Variants in RASGRP3 observed in about 807,000 individuals in gnomAD.
RASGRP3 encodes ras guanyl-releasing protein 3.
A neutral mutation model predicts 82.7 loss-of-function variants in RASGRP3; 54 were observed. That is an observed-to-expected ratio of 0.65 (90% CI 0.52 to 0.82). The LOEUF is 0.82. Among genes scored for constraint, RASGRP3 ranks in the 40% least tolerant of loss-of-function variants. The probability of loss-of-function intolerance (pLI) is 0.00; values close to 1 mark genes in which losing one functional copy is unlikely to be tolerated. For synonymous variants in RASGRP3, 309 were observed against 300.5 expected (o/e 1.03, Z -0.29); for missense variants, 861 against 828.9 (o/e 1.04, Z -0.48).
rs1251859266 is a variant in RASGRP3 at position 33,449,975 on chromosome 2, G to C, written c.-261+2032G>C. 2.0e-5 allele frequency among the ~76,000 whole-genome samples: 3 copies of C among 152,096 alleles called. No homozygotes were observed. In the East Asian group the frequency reaches 5.8e-4, roughly 29 times the overall value. The stretch of plus-strand genomic sequence containing the variant: ...ATGATTTCTTTGGGCCAGAAATTCA[G>C]GAGAAGGTCAGATTAAGGAGTTTCA... On this transcript the variant is annotated intron_variant, in intron 2 of 18. Transcript: ENST00000402538.
chr2:33,527,349 A>C lies in RASGRP3; in HGVS notation c.1020A>C (p.Leu340=), dbSNP rs745547689. ...AGCTCTCCGTTACCCTGAGTGAACT[A>C]GTCTCCCTGCAGAATGCCTCTCACC... ...MHQLSVTLSE[L]VSLQNASHHL... The change falls in exon 10 of 18, where the codon CTA becomes CTC. Residue 340 remains leucine (L), a synonymous_variant. Transcript: ENST00000403687. 6.2e-7 allele frequency: 1 copy of C among 1,613,882 alleles called. No individual in the cohort carries two copies. The highest frequency in any genetic ancestry group is 8.5e-7 in the Non-Finnish European group (1 of 1,179,766).
At chr2:33,440,019 G>C (rs1218909312) in intron 1 of RASGRP3, among the ~76,000 whole-genome samples, 2 of 152,206 alleles carry the variant, frequency 1.3e-5, no homozygotes, top group East Asian at 3.9e-4. Flanking sequence ...TAGGAGGAGA[G>C]AATGTGTTCA....
chr2:33,471,012 T>C (rs1217291423), intron 2 of RASGRP3, among the ~76,000 whole-genome samples: 5 of 152,202 alleles, frequency 3.3e-5, no homozygotes, highest in Admixed American at 6.5e-5. Context: ...AGCATGCTTT[T>C]CTTGTTTCTG....
intron 2 of RASGRP3, among the ~76,000 whole-genome samples, chr2:33,458,577 T>C (rs1666172293): frequency 6.6e-6 from 1 of 152,228 alleles, no homozygotes; most frequent in African/African-American, 2.4e-5. Context: ...AGTATAGCTG[T>C]AGACACTGGG....
intron 9 of RASGRP3, among the ~76,000 whole-genome samples, chr2:33,525,549 A>G (rs1180541368): frequency 1.3e-5 from 2 of 151,938 alleles, no homozygotes; most frequent in Non-Finnish European, 2.9e-5. Flanking sequence ...AAAAACTTCT[A>G]CAGCAATTAA....
chr2:33,462,582 T>C (rs1315239636), intron 2 of RASGRP3, among the ~76,000 whole-genome samples: 1 of 152,070 alleles, frequency 6.6e-6, no homozygotes, highest in Non-Finnish European at 1.5e-5. Context: ...TTCACCATAT[T>C]GGTCAGGCTG....
intron 2 of RASGRP3, among the ~76,000 whole-genome samples, chr2:33,455,094 A>T (rs552681699): frequency 6.6e-6 from 1 of 152,210 alleles, no homozygotes; most frequent in Non-Finnish European, 1.5e-5. Context: ...ATAGATGTCA[A>T]CTATAGCTTC....
rs1376697079 is a variant in RASGRP3, at chr2:33,516,643, A to G, written c.172A>G (p.Met58Val). ...TGAATTGGCAGAAAAACTTCTCTGC[A>G]TATATCTTTTCAACTACTGTGTAAT... The part of the protein sequence containing the change: ...STELAEKLLC[M>V]YRNATGESCN... The change falls in exon 4 of 18, where the codon ATG (methionine) becomes GTG (valine). Residue 58 changes from methionine to valine, a missense_variant and splice_region_variant. By Grantham distance (21) the Met-to-Val change is conservative. Transcript: ENST00000403687. 5.2e-6 allele frequency: 8 copies of G among 1,525,140 alleles called. No individual in the cohort carries two copies. The highest frequency in any genetic ancestry group is 2.3e-5 in the East Asian group (1 of 43,714). 94.5% of individuals were successfully genotyped at this position (1,525,140 alleles called of 1,614,324 possible). A position where few individuals can be genotyped will look rare whatever the true frequency, so the allele number is the denominator to read the frequency against.
chr2:33,558,756 C>T lies in RASGRP3; in HGVS notation c.1790C>T (p.Ser597Phe). ...DSRAITLVTG[S>F]SRKISVRLQR... ...AGAGCCATCACACTGGTTACAGGCT[C>T]TTCTCGCAAGATCTCTGTGAGGCTA... Residue 597 changes from serine (S) to phenylalanine (F), a missense_variant, in exon 17 of 18, where the codon TCT becomes TTT. Ser to Phe is a radical substitution (Grantham distance 155). Coordinates refer to ENST00000403687, the MANE Select transcript of RASGRP3 (RefSeq NM_001139488.2). The T allele has an allele frequency of 6.2e-7, 1 of 1,613,974 alleles. No homozygotes were observed. The highest frequency in any genetic ancestry group is 8.5e-7 in the Non-Finnish European group (1 of 1,179,900).
At chr2:33,478,021 G>GAACA (rs1474569347) in intron 1 of RASGRP3, among the ~76,000 whole-genome samples, 1 of 152,124 alleles carries the variant, frequency 6.6e-6, no homozygotes, top group Non-Finnish European at 1.5e-5. Context: ...TGCCATGAGG[G>GAACA]AACACTGTTC....
rs1551484 is a variant in RASGRP3 at position 33,448,870 on chromosome 2, G to A, written c.-261+927G>A. Among the ~76,000 whole-genome samples the A allele has an allele frequency of 3.7e-3, 568 of 152,038 alleles. 1 individual carries two copies. Among genetic ancestry groups the A allele is most frequent in the African/African-American group, 0.013 (540 of 41,448 alleles). On this transcript the variant is annotated intron_variant, in intron 2 of 18. Transcript: ENST00000402538. ...AATTAACTATATAATATAGCAAAACGCAGTGAATTGTATGGTATGTGAATT... is the reference window on the plus strand; with the variant it reads ...AATTAACTATATAATATAGCAAAACACAGTGAATTGTATGGTATGTGAATT...
intron 2 of RASGRP3, among the ~76,000 whole-genome samples, chr2:33,459,435 A>C (rs1213834722): frequency 1.3e-5 from 2 of 152,218 alleles, no homozygotes; most frequent in Non-Finnish European, 2.9e-5. Flanking sequence ...CACCCAGCCA[A>C]GACTTTTTAA....
At chr2:33,483,049 GA>G (rs774978761) in intron 1 of RASGRP3, 10 of 150,258 alleles carry the variant, frequency 6.7e-5, no homozygotes, top group Admixed American at 2.0e-4. Context: ...AAAAAAAAAA[GA>G]ATATGAAATA....
chr2:33,487,559 G>A (rs547169830), intron 1 of RASGRP3, among the ~76,000 whole-genome samples: 18 of 152,280 alleles, frequency 1.2e-4, no homozygotes, highest in Non-Finnish European at 1.9e-4. Context: ...TTGAAAAGCA[G>A]TTAGCCTGGT....
At chr2:33,558,412 T>C in intron 16 of RASGRP3, 76 bp downstream of exon 16, 2 of 1,604,982 alleles carry the variant, frequency 1.2e-6, no homozygotes, top group African/African-American at 1.3e-5. Context: ...ATTTAGGTTC[T>C]GGGTCTAAAC....
At chr2:33,456,782 C>G (rs1264567653) in intron 2 of RASGRP3, among the ~76,000 whole-genome samples, 1 of 152,092 alleles carries the variant, frequency 6.6e-6, no homozygotes, top group Non-Finnish European at 1.5e-5. Context: ...TTGCATGTTA[C>G]CAAGGTCTGC....
At chr2:33,512,598 A>G (rs937568365) in intron 2 of RASGRP3, among the ~76,000 whole-genome samples, 1 of 152,236 alleles carries the variant, frequency 6.6e-6, no homozygotes, top group Admixed American at 6.5e-5. Context: ...TTTTTGTCCC[A>G]GTGATGTTTA....
At chr2:33,528,827 C>T (rs1170884385) in intron 10 of RASGRP3, among the ~76,000 whole-genome samples, 2 of 152,180 alleles carry the variant, frequency 1.3e-5, no homozygotes, top group African/African-American at 4.8e-5. Context: ...AGTAAATATA[C>T]AGACTTTCTC....
chr2:33,483,356 A>G (rs1440371720), intron 1 of RASGRP3, among the ~76,000 whole-genome samples: 1 of 152,206 alleles, frequency 6.6e-6, no homozygotes, highest in Non-Finnish European at 1.5e-5. Context: ...CTAAAGTATT[A>G]TAAGTGTTCT....
Sources: allele counts gnomAD v4.1 joint callset (sites outside exome capture counted in the v4.1 genomes callset), GRCh38; gene constraint gnomAD v4.1.1; transcripts MANE v1.5; gene names NCBI Gene and HGNC (gene_info 2026-07-23, HGNC 2026-07-21).